FBXO34: variants seen among roughly 807,000 people sequenced by gnomAD.
FBXO34 encodes F-box protein 34.
Under a neutral mutation model 24.5 loss-of-function variants are expected in FBXO34, and 12 were observed. The ratio of observed to expected loss-of-function variants is 0.49; its 90% CI spans 0.31 to 0.79. The LOEUF (loss-of-function observed/expected upper bound fraction) is 0.79. Among genes scored for constraint, FBXO34 ranks in the 30% least tolerant of loss-of-function variants. The pLI, the probability that FBXO34 is intolerant of heterozygous loss-of-function variation, is 0.04. For missense variants in FBXO34, 823 were observed against 857.7 expected, an observed-to-expected ratio of 0.96 and a Z score of 0.51; for synonymous variants, 320 against 311.9, an observed-to-expected ratio of 1.03 and a Z score of -0.27.
chr14:55,376,214 A>T, the FBXO34 span, among the ~76,000 whole-genome samples: 65 of 152,156 alleles, frequency 4.3e-4, no homozygotes, highest in Non-Finnish European at 8.4e-4. Context: ...TCCTGTCTAT[A>T]AAGTAGGAAT....
In FBXO34 at chr14:55,311,224, A is replaced by G. The variant is rs1882727799; in HGVS notation, c.-10-39157A>G. 2.0e-5 allele frequency among the ~76,000 whole-genome samples: 3 copies of G among 152,336 alleles called. No homozygotes were observed. The South Asian group carries it at 6.2e-4, about 32-fold the overall frequency. ...AGGGAGAAGGAACACAGGAGGAACT[A>G]GCAAACACAAAACCATCAGATCTCG... On this transcript the variant is annotated intron_variant, in intron 1 of 1. Coordinates refer to ENST00000313833, the MANE Select transcript of FBXO34 (RefSeq NM_017943.4).
At chr14:55,373,496 G>A (rs542710397), downstream of FBXO34, among the ~76,000 whole-genome samples, 3 of 152,202 alleles carry the variant, frequency 2.0e-5, no homozygotes, top group South Asian at 6.2e-4. Context: ...GTCTCACTCC[G>A]TTTCCCAGGC....
At chr14:55,273,892 G>C (rs545422992) in intron 1 of FBXO34, among the ~76,000 whole-genome samples, 1 of 152,026 alleles carries the variant, frequency 6.6e-6, no homozygotes, top group Non-Finnish European at 1.5e-5. Context: ...TGCAACCTCC[G>C]CCTCCCGGGT....
chr14:55,402,970 A>ATATATAT, the FBXO34 span, among the ~76,000 whole-genome samples: 72 of 69,428 alleles, frequency 1.0e-3, no homozygotes, highest in Middle Eastern at 8.1e-3. Flanking sequence ...TATATATATA[A>ATATATAT]ATAGCTGGGC....
chr14:55,274,977 A>G (rs1474216507), intron 1 of FBXO34, among the ~76,000 whole-genome samples: 1 of 152,242 alleles, frequency 6.6e-6, no homozygotes, highest in Non-Finnish European at 1.5e-5. Context: ...CAACAAAAAC[A>G]AAAAAGAGCA....
At chr14:55,402,929 AT>A in the FBXO34 span, among the ~76,000 whole-genome samples, 7 of 16,368 alleles carry the variant, frequency 4.3e-4, no homozygotes, top group Admixed American at 5.9e-4. Context: ...AAAAAAAAAT[AT>A]ATATATATAT....
downstream of FBXO34, chr14:55,369,694 G>A: frequency 5.6e-6 from 9 of 1,603,966 alleles, no homozygotes; most frequent in Non-Finnish European, 7.7e-6. Context: ...CACCTGCACT[G>A]CTGCTCGCGA....
downstream of FBXO34, chr14:55,366,328 C>G (rs1884678064): frequency 6.6e-6 from 1 of 152,618 alleles, no homozygotes; most frequent in African/African-American, 2.4e-5. Context: ...CAATCTCATT[C>G]TTGCTACCCT....
chr14:55,287,967 AG>A (rs1319114572), intron 1 of FBXO34, among the ~76,000 whole-genome samples: 1 of 152,084 alleles, frequency 6.6e-6, no homozygotes, highest in Non-Finnish European at 1.5e-5. Context: ...CTGTCACATG[AG>A]GTTGGGTGTG....
chr14:55,369,477 C>T (rs114030577), downstream of FBXO34: 675 of 799,874 alleles, frequency 8.4e-4, 9 homozygotes, highest in African/African-American at 0.011. Context: ...TGTTTGTCTC[C>T]CTGCTTAAAA....
chr14:55,341,677 A>AG (rs1220937070), intron 1 of FBXO34, among the ~76,000 whole-genome samples: 1 of 152,076 alleles, frequency 6.6e-6, no homozygotes, highest in Non-Finnish European at 1.5e-5. Context: ...ACTTTTTATG[A>AG]GGTTTCATCT....
At chr14:55,273,885 A>C (rs1881246531) in intron 1 of FBXO34, among the ~76,000 whole-genome samples, 1 of 152,066 alleles carries the variant, frequency 6.6e-6, no homozygotes, top group Admixed American at 6.6e-5. Flanking sequence ...GGCTCACTGC[A>C]ACCTCCGCCT....
chr14:55,296,890 C>T (rs1156598853), intron 1 of FBXO34, among the ~76,000 whole-genome samples: 1 of 140,268 alleles, frequency 7.1e-6, no homozygotes, highest in Non-Finnish European at 1.6e-5. Context: ...TATTTTATTT[C>T]CCAACATGCA....
downstream of FBXO34, among the ~76,000 whole-genome samples, chr14:55,373,886 G>C (rs1221110589): frequency 6.6e-6 from 1 of 151,954 alleles, no homozygotes; most frequent in East Asian, 1.9e-4. Context: ...ATCCCACCCA[G>C]GTTCCATGAA....
At chr14:55,367,293 G>T (rs1884700896) in exon 3 of FBXO34, 1 of 152,184 alleles carries the variant, frequency 6.6e-6, no homozygotes, top group Non-Finnish European at 1.5e-5. Context: ...AGGGTTTTAA[G>T]TAGCTAGACA....
At chr14:55,427,342 AAAAT>A in the FBXO34 span, among the ~76,000 whole-genome samples, 1 of 152,226 alleles carries the variant, frequency 6.6e-6, no homozygotes, top group Non-Finnish European at 1.5e-5. Context: ...TGTCAAAAGA[AAAAT>A]AAGCATATCA....
At position 55,351,875 on chromosome 14, in the gene FBXO34, C is replaced by G; in HGVS notation, c.1485C>G (p.Ser495=). 6.2e-7 allele frequency: 1 copy of G among 1,614,078 alleles called. No homozygotes were observed. The highest frequency in any genetic ancestry group is 8.5e-7 in the Non-Finnish European group (1 of 1,180,016). ...CTGGTCAGCACTTGTCAGACTATTC[C>G]CAGTTGAATGAAAGCACAACAAAAG... The part of the protein sequence containing the change: ...LPPGQHLSDY[S]QLNESTTKES... Residue 495 remains serine, a synonymous_variant, in exon 2 of 2, where the codon TCC becomes TCG. Transcript: ENST00000313833.
the FBXO34 span, among the ~76,000 whole-genome samples, chr14:55,376,115 C>T: frequency 6.6e-6 from 1 of 152,088 alleles, no homozygotes. Flanking sequence ...TGGAGTCAGC[C>T]AGGTGTGCAC....
chr14:55,276,886 C>T (rs1594719271), intron 1 of FBXO34, among the ~76,000 whole-genome samples: 1 of 152,178 alleles, frequency 6.6e-6, no homozygotes, highest in African/African-American at 2.4e-5. Flanking sequence ...CAAGTAAAGT[C>T]CTTGAGGGAA....
Sources: gnomAD v4.1 joint callset for allele counts (sites outside exome capture counted in the v4.1 genomes callset) on GRCh38, gnomAD v4.1.1 for gene constraint, MANE v1.5 for transcripts, NCBI Gene and HGNC (gene_info 2026-07-23, HGNC 2026-07-21) for gene names.